ASPH: variants seen among roughly 807,000 people sequenced by gnomAD.
ASPH encodes the protein aspartate beta-hydroxylase, also known as aspartyl/asparaginyl beta-hydroxylase.
In ASPH, 100 loss-of-function variants were observed where a neutral mutation model predicts 118.4. The observed-to-expected ratio is 0.84, with a 90% CI of 0.72 to 1.00. ASPH has a LOEUF of 1.00. ASPH is among the 50% of genes least tolerant of loss of function. The probability of loss-of-function intolerance (pLI) is 0.00; values close to 1 mark genes in which losing one functional copy is unlikely to be tolerated. For synonymous variants in ASPH, 315 were observed against 325.6 expected (o/e 0.97, Z 0.35); for missense variants, 920 against 919.5 (o/e 1.00, Z -0.01).
intron 16 of ASPH, among the ~76,000 whole-genome samples, chr8:61,570,164 A>G (rs1833037797): frequency 6.6e-6 from 1 of 152,206 alleles, no homozygotes; most frequent in Non-Finnish European, 1.5e-5. Flanking sequence ...ATGTGCTCAG[A>G]AAACTTAATC....
At chr8:61,696,651 C>T (rs895947198) in intron 1 of ASPH, among the ~76,000 whole-genome samples, 2 of 106,250 alleles carry the variant, frequency 1.9e-5, no homozygotes, top group South Asian at 3.1e-4. Context: ...ATAGAGAAGA[C>T]GGTCTCATAG....
intron 14 of ASPH, among the ~76,000 whole-genome samples, chr8:61,585,462 T>A (rs1258336322): frequency 1.3e-5 from 2 of 152,194 alleles, no homozygotes; most frequent in Non-Finnish European, 2.9e-5. Flanking sequence ...GTTAATAGCT[T>A]CTTCCCTATC....
At chr8:61,697,339 A>G (rs958996296) in intron 1 of ASPH, among the ~76,000 whole-genome samples, 1 of 152,196 alleles carries the variant, frequency 6.6e-6, no homozygotes, top group Admixed American at 6.5e-5. Context: ...GCCCCTGGTC[A>G]CTAAAACATG....
intron 22 of ASPH, among the ~76,000 whole-genome samples, chr8:61,518,509 A>G (rs930074564): frequency 1.3e-5 from 2 of 152,246 alleles, no homozygotes; most frequent in African/African-American, 4.8e-5. Flanking sequence ...CTAATAGCCT[A>G]CTGTTGACTG....
At chr8:61,706,628 A>G (rs1465254711) in intron 1 of ASPH, among the ~76,000 whole-genome samples, 1 of 152,210 alleles carries the variant, frequency 6.6e-6, no homozygotes, top group African/African-American at 2.4e-5. Flanking sequence ...AAATTCTCAA[A>G]TATTTTTCAT....
In ASPH at chr8:61,714,506, T is replaced by C. The variant is rs1227879734; in HGVS notation, c.-135A>G. ...GCCGCTGCTCCTGCAGCAGACCCTGTGCCTCAGCACCGCCTGCAGCACCTG... is the reference window on the plus strand; with the variant it reads ...GCCGCTGCTCCTGCAGCAGACCCTGCGCCTCAGCACCGCCTGCAGCACCTG... On this transcript the variant is annotated 5_prime_UTR_variant, in exon 1 of 25. Transcript: ENST00000379454. The C allele has an allele frequency of 7.8e-7, 1 of 1,280,156 alleles. No individual in the cohort carries two copies. The highest frequency in any genetic ancestry group is 1.8e-5 in the South Asian group (1 of 54,408). 79.3% of individuals were successfully genotyped at this position (1,280,156 alleles called of 1,614,324 possible).
Position 61,714,430 on chromosome 8 carries a change from A to C in ASPH, c.-59T>G. 7.3e-7 allele frequency: 1 copy of C among 1,374,996 alleles called. No individual in the cohort carries two copies. Among genetic ancestry groups the C allele is most frequent in the South Asian group, 1.6e-5 (1 of 62,042 alleles). 85.2% of individuals were successfully genotyped at this position (1,374,996 alleles called of 1,614,324 possible). ...GACCTCCTTCAGTGCGCGGGGGTAC[A>C]CACGCGACGCGGGAACCGCTGGCGG... On this transcript the variant is annotated 5_prime_UTR_variant, in exon 1 of 25. Transcript: ENST00000379454.
intron 16 of ASPH, among the ~76,000 whole-genome samples, chr8:61,573,268 G>A (rs1261077711): frequency 1.3e-5 from 2 of 152,116 alleles, no homozygotes; most frequent in Middle Eastern, 3.2e-3. Flanking sequence ...AATCAATATC[G>A]TGAAAATGGC....
chr8:61,663,567 G>C, intron 3 of ASPH: 2 of 985,394 alleles, frequency 2.0e-6, no homozygotes, highest in Non-Finnish European at 2.4e-6. Context: ...CTAGTCATCT[G>C]AAGTTAGTGC....
In ASPH at chr8:61,681,484, T is replaced by C. The variant is rs542959152; in HGVS notation, c.254-448A>G. ...CCAAAAGAAACAACCAAGCCTCAAA[T>C]AAAGACCAAATGTAAATAGATTAAC... On this transcript the variant is annotated intron_variant, in intron 2 of 24. Transcript: ENST00000379454. Among the ~76,000 whole-genome samples, 6 of 151,722 alleles carry C rather than the reference T, an allele frequency of 4.0e-5. No individual in the cohort carries two copies. The East Asian group carries it at 1.2e-3, about 29-fold the overall frequency.
intron 3 of ASPH, chr8:61,668,347 T>G: frequency 8.0e-7 from 1 of 1,246,290 alleles, no homozygotes; most frequent in Admixed American, 2.1e-5. Context: ...AAGTGTCTAT[T>G]AAATAGGTAA....
rs1318995996 is a variant in ASPH, at chr8:61,500,825, A to G, written c.*2534T>C. 1 of 152,232 alleles carries G rather than the reference A, an allele frequency of 6.6e-6. No homozygotes were observed. Among genetic ancestry groups the G allele is most frequent in the Non-Finnish European group, 1.5e-5 (1 of 68,034 alleles). The allele number at this position is 152,232 out of a possible 1,614,324, so 9.4% of individuals were successfully genotyped here. A position where few individuals can be genotyped will look rare whatever the true frequency, so the allele number is the denominator to read the frequency against. On this transcript the variant is annotated 3_prime_UTR_variant, in exon 25 of 25. Coordinates refer to ENST00000379454, the MANE Select transcript of ASPH (RefSeq NM_004318.4). ...AATGGGCAGTAAAATATGATTTTAC[A>G]TTATTTTAAATATTTGGGAGAGTTA... is the stretch of plus-strand genomic sequence containing the variant.
intron 13 of ASPH, among the ~76,000 whole-genome samples, chr8:61,621,024 G>A (rs2150527492): frequency 6.6e-6 from 1 of 152,334 alleles, no homozygotes. Context: ...GTCCTCCCAG[G>A]AACGTGGAGG....
rs533661554 is a variant in ASPH, at chr8:61,588,331, T to A, written c.977-4302A>T. Reference sequence around the variant, plus strand: ...CAAACAAAATGGAAAAGAAGGAAAATAAAAGGATAGCTGAAGGCAGGAGGA... The same window carrying A: ...CAAACAAAATGGAAAAGAAGGAAAAAAAAAGGATAGCTGAAGGCAGGAGGA... On this transcript the variant is annotated intron_variant, in intron 14 of 24. Coordinates refer to ENST00000379454, the MANE Select transcript of ASPH (RefSeq NM_004318.4). Among the ~76,000 whole-genome samples the A allele has an allele frequency of 6.2e-4, 95 of 152,158 alleles. 1 individual carries two copies. The highest frequency in any genetic ancestry group is 8.5e-4 in the Non-Finnish European group (58 of 67,982).
chr8:61,550,714 T>C lies in ASPH; in HGVS notation c.1626+2317A>G, dbSNP rs145503833. 1.8e-4 allele frequency among the ~76,000 whole-genome samples: 28 copies of C among 152,330 alleles called. No individual in the cohort carries two copies. In the East Asian group the frequency reaches 5.0e-3, roughly 27 times the overall value. On this transcript the variant is annotated intron_variant, in intron 20 of 24. Transcript: ENST00000379454. ...GCGTGCAAACAGAATGTTATGTTAT[T>C]TTGCATGGTAGGCTTTTTGAGCATA...
In ASPH at chr8:61,517,588, A is replaced by T. The variant is rs374883847; in HGVS notation, c.2066T>A (p.Met689Lys). Residue 689 changes from methionine (M) to lysine (K), a missense_variant, in exon 24 of 25, where the codon ATG (methionine) becomes AAG (lysine). Physicochemically the swap from Met to Lys is moderately conservative, Grantham distance 95. Transcript: ENST00000379454. Reference protein sequence around the residue: ...HTGPTNCRLRMHLGLVIPKEG... With the variant: ...HTGPTNCRLRKHLGLVIPKEG... ...CTTGGGAATCACCAAGCCCAGGTGC[A>T]TTCGGAGCCTGCAGTTTGTGGGCCC... is the stretch of plus-strand genomic sequence containing the variant. 27 of 1,614,160 alleles carry T rather than the reference A, an allele frequency of 1.7e-5. No individual in the cohort carries two copies. The highest frequency in any genetic ancestry group is 2.0e-5 in the Non-Finnish European group (24 of 1,179,996).
intron 21 of ASPH, among the ~76,000 whole-genome samples, 182 bp downstream of exon 21, chr8:61,547,889 T>G (rs1824506541): frequency 6.6e-6 from 1 of 152,180 alleles, no homozygotes. Flanking sequence ...CAAATTCCCT[T>G]CATCATCTAA....
chr8:61,532,389 T>C (rs1817922543), intron 21 of ASPH, among the ~76,000 whole-genome samples: 1 of 152,210 alleles, frequency 6.6e-6, no homozygotes, highest in Non-Finnish European at 1.5e-5. Context: ...TTCAGTTTTT[T>C]TGCCATTGAG....
chr8:61,554,893 TG>T (rs1827304807), intron 19 of ASPH, among the ~76,000 whole-genome samples: 2 of 152,144 alleles, frequency 1.3e-5, no homozygotes, highest in Non-Finnish European at 2.9e-5. Flanking sequence ...TAGAATTTTC[TG>T]TAGAGATGGG....
Sources: gnomAD v4.1 joint callset for allele counts (sites outside exome capture counted in the v4.1 genomes callset) on GRCh38, gnomAD v4.1.1 for gene constraint, MANE v1.5 for transcripts, NCBI Gene and HGNC (gene_info 2026-07-23, HGNC 2026-07-21) for gene names.